RGPD5: variants seen among roughly 807,000 people sequenced by gnomAD.
RGPD5 encodes RANBP2-like and GRIP domain-containing protein 5/6.
At chr2:109,765,679 A>G in the RGPD5 span, among the ~76,000 whole-genome samples, 4 of 150,448 alleles carry the variant, frequency 2.7e-5, no homozygotes, top group Admixed American at 6.7e-5. Flanking sequence ...AGAAACATGG[A>G]GGGAATAAAG....
chr2:109,764,100 T>A, the RGPD5 span, among the ~76,000 whole-genome samples: 7 of 148,668 alleles, frequency 4.7e-5, no homozygotes, highest in Admixed American at 4.9e-4. Flanking sequence ...TTTCAACTTT[T>A]TCAGCCATAC....
chr2:109,776,988 AATAGAG>A, the RGPD5 span, among the ~76,000 whole-genome samples: 1 of 49,656 alleles, frequency 2.0e-5, no homozygotes, highest in African/African-American at 6.5e-5. Flanking sequence ...GTCATCTGTG[AATAGAG>A]ATAGTTTTGC....
At chr2:109,774,499 C>CAT in the RGPD5 span, among the ~76,000 whole-genome samples, 14 of 1,680 alleles carry the variant, frequency 8.3e-3, no homozygotes, top group Admixed American at 0.024. Flanking sequence ...CAAAAACAAA[C>CAT]ATATATATAT....
chr2:109,771,449 C>T, the RGPD5 span, among the ~76,000 whole-genome samples: 639 of 105,604 alleles, frequency 6.1e-3, 150 homozygotes, highest in Middle Eastern at 0.014. Context: ...CTAAATTTTT[C>T]GCAGAAGCAT....
At chr2:109,799,261 G>A (rs1315306971) in intron 1 of RGPD5, among the ~76,000 whole-genome samples, 10 of 136,870 alleles carry the variant, frequency 7.3e-5, no homozygotes, top group African/African-American at 2.6e-4. Flanking sequence ...AAAAAGGAAG[G>A]GGGGAACAGG....
chr2:109,765,666 A>G, the RGPD5 span, among the ~76,000 whole-genome samples: 7 of 150,490 alleles, frequency 4.7e-5, no homozygotes. Flanking sequence ...GAAGACTGTG[A>G]ATAGAAACAT....
chr2:109,761,072 G>A, the RGPD5 span, among the ~76,000 whole-genome samples: 1 of 142,308 alleles, frequency 7.0e-6, no homozygotes, highest in Non-Finnish European at 1.5e-5. Context: ...GAAGCGATTT[G>A]AAGACTGCGT....
At chr2:109,761,708 ACTGCCTGCATATTC>A in the RGPD5 span, among the ~76,000 whole-genome samples, 1 of 147,734 alleles carries the variant, frequency 6.8e-6, no homozygotes, top group Non-Finnish European at 1.5e-5. Context: ...TGGTAAAATT[ACTGCCTGCATATTC>A]CTGGAGGAAC....
the RGPD5 span, among the ~76,000 whole-genome samples, chr2:109,774,505 T>TATAAA: frequency 1.2e-4 from 4 of 32,066 alleles, no homozygotes; most frequent in African/African-American, 1.1e-3. Flanking sequence ...CAAACATATA[T>TATAAA]ATATATATAA....
chr2:109,765,806 C>T, the RGPD5 span, among the ~76,000 whole-genome samples: 1 of 150,976 alleles, frequency 6.6e-6, no homozygotes, highest in South Asian at 2.1e-4. Context: ...TTTTGCTTGT[C>T]TTCAAATCAA....
At chr2:109,761,015 T>C in the RGPD5 span, among the ~76,000 whole-genome samples, 1 of 136,404 alleles carries the variant, frequency 7.3e-6, no homozygotes, top group African/African-American at 2.8e-5. Flanking sequence ...GCCCAGGGAC[T>C]GGTGATCTAG....
the RGPD5 span, among the ~76,000 whole-genome samples, chr2:109,765,311 C>T: frequency 6.7e-6 from 1 of 148,492 alleles, no homozygotes; most frequent in African/African-American, 2.5e-5. Flanking sequence ...GTAAGTGAAA[C>T]AAGAGCATCA....
chr2:109,764,736 G>C, the RGPD5 span, among the ~76,000 whole-genome samples: 96 of 136,296 alleles, frequency 7.0e-4, 1 homozygote, highest in Non-Finnish European at 1.1e-3. Flanking sequence ...AGATGGTGTG[G>C]GTGGGGGTAT....
Sources: gnomAD v4.1 joint callset for allele counts (sites outside exome capture counted in the v4.1 genomes callset) on GRCh38, gnomAD v4.1.1 for gene constraint, MANE v1.5 for transcripts, NCBI Gene and HGNC (gene_info 2026-07-23, HGNC 2026-07-21) for gene names.